SPOP: variants seen among roughly 807,000 people sequenced by gnomAD.
The protein encoded by SPOP is speckle-type POZ protein.
SPOP carries 11 observed loss-of-function variants against 45.6 expected under a neutral mutation model. The ratio of observed to expected loss-of-function variants is 0.24; its 90% CI spans 0.15 to 0.40. The LOEUF is 0.40. SPOP is among the 10% of genes least tolerant of loss of function. SPOP has a pLI of 1.00. For synonymous variants in SPOP, 166 were observed against 166.3 expected, an observed-to-expected ratio of 1.00 and a Z score of 0.01; for missense variants, 152 against 465.6, an observed-to-expected ratio of 0.33 and a Z score of 6.20.
At chr17:49,661,693 C>G (rs1427041460) in intron 1 of SPOP, among the ~76,000 whole-genome samples, 1 of 152,216 alleles carries the variant, frequency 6.6e-6, no homozygotes, top group East Asian at 1.9e-4. Context: ...AGTCAGTTAA[C>G]ACTATTCCCT....
At chr17:49,667,226 A>T (rs1343156345) in intron 1 of SPOP, among the ~76,000 whole-genome samples, 1 of 150,708 alleles carries the variant, frequency 6.6e-6, no homozygotes, top group African/African-American at 2.4e-5. Context: ...TAGGATGGCT[A>T]CTATTACAAA....
In SPOP at chr17:49,619,541, C is replaced by CT. The variant is rs905774378; in HGVS notation, c.201-157dup. ...GACTAGTTGGGAACAACTTTTTTCT[C>CT]TTTTTTTTTGAGACATGGTCTTACT... is the stretch of plus-strand genomic sequence containing the variant. On this transcript the variant is annotated intron_variant, in intron 3 of 9. Transcript: ENST00000504102. This position sits in a 1 kb window ranked among gnomAD's most constrained non-coding sequence, Gnocchi z 4.9. Among the ~76,000 whole-genome samples, 23 of 151,348 alleles carry CT rather than the reference C, an allele frequency of 1.5e-4. No homozygotes were observed. The highest frequency in any genetic ancestry group is 6.3e-4 in the South Asian group (3 of 4,780).
chr17:49,646,121 C>T (rs1052926198), intron 1 of SPOP: 6 of 152,158 alleles, frequency 3.9e-5, no homozygotes, highest in South Asian at 2.1e-4. Context: ...CTTACCTGTA[C>T]ATTTTATCAT....
In SPOP at chr17:49,599,500, T is replaced by TTG. The variant is rs967786066; in HGVS notation, c.*876_*877dup. On this transcript the variant is annotated 3_prime_UTR_variant, in exon 10 of 10. Transcript: ENST00000504102. ...TCTCTTCTTTTGTTCTGTTTTTGTT[T>TTG]TGTGTGTTTTTTTTTTTGTTTGTTT... The TTG allele has an allele frequency of 7.0e-5, 13 of 184,984 alleles. No individual in the cohort carries two copies. Among genetic ancestry groups the TTG allele is most frequent in the Admixed American group, 3.5e-4 (5 of 14,154 alleles). The allele number at this position is 184,984 out of a possible 1,614,324, so 11.5% of individuals were successfully genotyped here.
intron 5 of SPOP, among the ~76,000 whole-genome samples, chr17:49,616,256 T>C (rs1485758667): frequency 6.6e-6 from 1 of 152,184 alleles, no homozygotes; most frequent in Non-Finnish European, 1.5e-5. Flanking sequence ...TTCTCGGTCT[T>C]CCACCATAGG....
chr17:49,673,200 T>G (rs975948716), intron 1 of SPOP, among the ~76,000 whole-genome samples: 1 of 152,016 alleles, frequency 6.6e-6, no homozygotes, highest in African/African-American at 2.4e-5. Flanking sequence ...ATACAAAAAT[T>G]TATATATTTA....
chr17:49,632,761 C>T (rs1047782025), intron 1 of SPOP, among the ~76,000 whole-genome samples: 4 of 152,280 alleles, frequency 2.6e-5, no homozygotes, highest in Non-Finnish European at 4.4e-5. Flanking sequence ...TGAGCCACTA[C>T]GCCTTGCCTC....
intron 8 of SPOP, among the ~76,000 whole-genome samples, chr17:49,606,542 A>C (rs1355313258): frequency 7.9e-6 from 1 of 125,850 alleles, no homozygotes; most frequent in Non-Finnish European, 1.6e-5. Flanking sequence ...TCTGTTGCCC[A>C]GGCTGGAGTG....
Position 49,614,802 on chromosome 17 carries a change from A to AGTGTGTGTGTGT in SPOP, c.481-3357_481-3346dup, listed in dbSNP as rs60134980. Among the ~76,000 whole-genome samples, 856 of 147,048 alleles carry AGTGTGTGTGTGT rather than the reference A, an allele frequency of 5.8e-3. 6 individuals are homozygous for AGTGTGTGTGTGT. Among genetic ancestry groups the AGTGTGTGTGTGT allele is most frequent in the African/African-American group, 0.011 (431 of 39,310 alleles). ...AAAAATACCTATTCCCATGCTATGAAGTGTGTGTGTGTGTGTGTGTGTGTG... is the reference window on the plus strand; with the variant it reads ...AAAAATACCTATTCCCATGCTATGAAGTGTGTGTGTGTGTGTGTGTGTGTGTGTGTGTGTGTG... On this transcript the variant is annotated intron_variant, in intron 5 of 9. Transcript: ENST00000504102.
chr17:49,637,424 CACT>C (rs1358445121), intron 1 of SPOP, among the ~76,000 whole-genome samples: 1 of 152,038 alleles, frequency 6.6e-6, no homozygotes, highest in Non-Finnish European at 1.5e-5. Context: ...GATCTCAGCC[CACT>C]GCAACCTCCA....
rs146150073 is a variant in SPOP, at chr17:49,642,665, C to T, written c.-66-19789G>A. Among the ~76,000 whole-genome samples the T allele has an allele frequency of 5.1e-3, 772 of 152,200 alleles. 4 individuals are homozygous for T. The highest frequency in any genetic ancestry group is 0.018 in the African/African-American group (731 of 41,530). ...GCAGTTTCCAGAGTGGAAGGGAAAA[C>T]GAACCCTACAGTGTTAGTGTTCCAT... On this transcript the variant is annotated intron_variant, in intron 1 of 9. Coordinates refer to ENST00000504102, the MANE Select transcript of SPOP (RefSeq NM_001007228.2).
intron 1 of SPOP, among the ~76,000 whole-genome samples, chr17:49,668,926 G>T (rs1329479418): frequency 1.3e-5 from 2 of 151,618 alleles, no homozygotes; most frequent in South Asian, 4.2e-4. Flanking sequence ...ACAGGCGCCC[G>T]CCACCATGCC....
intron 1 of SPOP, among the ~76,000 whole-genome samples, chr17:49,648,546 T>G (rs2072793591): frequency 6.6e-6 from 1 of 152,210 alleles, no homozygotes; most frequent in African/African-American, 2.4e-5. Flanking sequence ...GCTCTACTCC[T>G]ACACCTGCTA....
chr17:49,642,246 T>C (rs1033665708), intron 1 of SPOP, among the ~76,000 whole-genome samples: 1 of 152,020 alleles, frequency 6.6e-6, no homozygotes, highest in African/African-American at 2.4e-5. Context: ...AAAAGGTTTT[T>C]AAAAGAAAGA....
intron 1 of SPOP, among the ~76,000 whole-genome samples, chr17:49,661,048 T>A (rs1246507273): frequency 6.6e-6 from 1 of 152,220 alleles, no homozygotes; most frequent in African/African-American, 2.4e-5. Flanking sequence ...AAGTTCCTTT[T>A]CTAGACTGCA....
chr17:49,614,925 C>G (rs1321856986), intron 5 of SPOP, among the ~76,000 whole-genome samples: 3 of 151,488 alleles, frequency 2.0e-5, no homozygotes, highest in Non-Finnish European at 4.4e-5. Flanking sequence ...GCGGTGTGAT[C>G]ACAGCTCACT....
chr17:49,637,651 C>G (rs949640055), intron 1 of SPOP, among the ~76,000 whole-genome samples: 3 of 151,944 alleles, frequency 2.0e-5, no homozygotes, highest in Non-Finnish European at 4.4e-5. Flanking sequence ...GCGCCCAGCC[C>G]CAAGCTAGTT....
At chr17:49,644,599 T>G (rs1258708636) in intron 1 of SPOP, among the ~76,000 whole-genome samples, 1 of 152,140 alleles carries the variant, frequency 6.6e-6, no homozygotes, top group African/African-American at 2.4e-5. Context: ...GTGGAAAAAC[T>G]GTGAAATATT....
In SPOP at chr17:49,600,040, C is replaced by T; in HGVS notation, c.*338G>A. 1 of 258,178 alleles carries T rather than the reference C, an allele frequency of 3.9e-6. No individual in the cohort carries two copies. The highest frequency in any genetic ancestry group is 7.3e-6 in the Non-Finnish European group (1 of 136,086). 16.0% of individuals were successfully genotyped at this position (258,178 alleles called of 1,614,324 possible). On this transcript the variant is annotated 3_prime_UTR_variant, in exon 10 of 10. Coordinates refer to ENST00000504102, the MANE Select transcript of SPOP (RefSeq NM_001007228.2). The surrounding 1 kb of genome is among the most constrained non-coding windows in gnomAD (Gnocchi z 4.2). ...TTTCCTTTTTGCTCCAGGCACCTGA[C>T]GATTTGTTCTGCTCAGTCAGATGCA... is the stretch of plus-strand genomic sequence containing the variant.
Sources: allele counts gnomAD v4.1 joint callset (sites outside exome capture counted in the v4.1 genomes callset), GRCh38; gene constraint gnomAD v4.1.1; non-coding constraint Gnocchi (gnomAD v3.1); transcripts MANE v1.5; gene names NCBI Gene and HGNC (gene_info 2026-07-23, HGNC 2026-07-21).